Variants in DTNA observed in about 807,000 individuals in gnomAD.
The protein encoded by DTNA is dystrobrevin alpha.
DTNA carries 43 observed loss-of-function variants against 100.7 expected under a neutral mutation model. The observed-to-expected ratio is 0.43, with a 90% CI of 0.33 to 0.55. The LOEUF (loss-of-function observed/expected upper bound fraction) is 0.55. DTNA is among the 20% of genes least tolerant of loss of function. The pLI is 0.04. For synonymous variants in DTNA, 349 were observed against 347.9 expected (o/e 1.00, Z -0.04); for missense variants, 798 against 953.9 (o/e 0.84, Z 2.15).
At chr18:34,749,085 A>T (rs2092015894) in intron 1 of DTNA, among the ~76,000 whole-genome samples, 1 of 152,046 alleles carries the variant, frequency 6.6e-6, no homozygotes, top group Non-Finnish European at 1.5e-5. Context: ...CAGCTGTTGT[A>T]AGAGGGATTG....
intron 1 of DTNA, among the ~76,000 whole-genome samples, chr18:34,713,351 G>A (rs1424349334): frequency 6.6e-6 from 1 of 152,074 alleles, no homozygotes; most frequent in African/African-American, 2.4e-5. Flanking sequence ...TAGGAATAGA[G>A]GTGCTTGGTA....
At chr18:34,856,000 C>T (rs1212490197) in intron 15 of DTNA, among the ~76,000 whole-genome samples, 5 of 152,156 alleles carry the variant, frequency 3.3e-5, no homozygotes, top group African/African-American at 4.8e-5. Flanking sequence ...CCCCAACAAC[C>T]CTGGCCATGC....
intron 1 of DTNA, among the ~76,000 whole-genome samples, chr18:34,572,812 A>G (rs1037219326): frequency 3.3e-5 from 5 of 152,198 alleles, no homozygotes; most frequent in African/African-American, 1.2e-4. Flanking sequence ...AAGGAAATAC[A>G]GCTAGGTGGT....
chr18:34,653,088 GAT>G (rs754735800), intron 1 of DTNA, among the ~76,000 whole-genome samples: 3 of 152,066 alleles, frequency 2.0e-5, no homozygotes, highest in Non-Finnish European at 4.4e-5. Flanking sequence ...ATAAAAACCT[GAT>G]GGGTGAATAG....
At chr18:34,523,538 A>G (rs763744521) in intron 1 of DTNA, among the ~76,000 whole-genome samples, 4 of 152,206 alleles carry the variant, frequency 2.6e-5, no homozygotes, top group Non-Finnish European at 5.9e-5. Flanking sequence ...AACCTCTCAC[A>G]AACCCTACAT....
chr18:34,866,128 G>A (rs1360401619), intron 17 of DTNA: 1 of 1,614,038 alleles, frequency 6.2e-7, no homozygotes, highest in African/African-American at 1.3e-5. Flanking sequence ...AACTGAAGCA[G>A]GGAGTAAGTT....
At position 34,827,575 on chromosome 18, in the gene DTNA, C is replaced by T; in HGVS notation, c.1002-18C>T. 6.2e-7 allele frequency: 1 copy of T among 1,612,302 alleles called. No individual in the cohort carries two copies. Among genetic ancestry groups the T allele is most frequent in the Non-Finnish European group, 8.5e-7 (1 of 1,178,310 alleles). On this transcript the variant is annotated intron_variant, in intron 9 of 22. Coordinates refer to ENST00000444659, the MANE Select transcript of DTNA (RefSeq NM_001386795.1). ...TTTATTTGTTTTAACTTTCCATTCA[C>T]CCTGTGTTTTGTTTTAGGCCTCCCA...
intron 2 of DTNA, among the ~76,000 whole-genome samples, chr18:34,763,345 C>A (rs2093299562): frequency 6.6e-6 from 1 of 152,064 alleles, no homozygotes; most frequent in Admixed American, 6.6e-5. Context: ...GGGCATGAAA[C>A]TAGGAAAGAT....
intron 11 of DTNA, among the ~76,000 whole-genome samples, chr18:34,835,789 C>T (rs145135847): frequency 5.3e-4 from 81 of 152,322 alleles, no homozygotes; most frequent in African/African-American, 1.8e-3. Flanking sequence ...TTGTGGTTGA[C>T]GTTCCTGTGT....
rs150365100 is a variant in DTNA, at chr18:34,673,330, G to T, written c.-1-82646G>T. 2.0e-3 allele frequency among the ~76,000 whole-genome samples: 297 copies of T among 151,890 alleles called. 2 individuals carry two copies. Among genetic ancestry groups the T allele is most frequent in the African/African-American group, 6.9e-3 (286 of 41,408 alleles). ...GATACTTACGTAAACTTAATCACTG[G>T]GGTTTTGTCATGTTGCCCAGGCTGG... On this transcript the variant is annotated intron_variant, in intron 1 of 19. Coordinates refer to the DTNA transcript ENST00000283365.
rs140204466 is a variant in DTNA at position 34,645,074 on chromosome 18, T to C, written c.-1-110902T>C. 5.1e-3 allele frequency among the ~76,000 whole-genome samples: 779 copies of C among 152,238 alleles called. 8 individuals carry two copies. The highest frequency in any genetic ancestry group is 0.018 in the African/African-American group (741 of 41,574). On this transcript the variant is annotated intron_variant, in intron 1 of 19. Transcript: ENST00000283365. ...TTTAACACTGGAAGAAAACTCAATGTTTTCCTAAGTTTCTCAAGGTCATTT... is the reference window on the plus strand; with the variant it reads ...TTTAACACTGGAAGAAAACTCAATGCTTTCCTAAGTTTCTCAAGGTCATTT...
At chr18:34,672,615 A>G (rs1340893923) in intron 1 of DTNA, among the ~76,000 whole-genome samples, 1 of 152,240 alleles carries the variant, frequency 6.6e-6, no homozygotes, top group Non-Finnish European at 1.5e-5. Flanking sequence ...GATGTCTCAT[A>G]TCTTCATATG....
intron 2 of DTNA, among the ~76,000 whole-genome samples, chr18:34,765,624 C>G (rs1365734722): frequency 1.3e-5 from 2 of 152,174 alleles, no homozygotes; most frequent in Non-Finnish European, 2.9e-5. Context: ...ATGATAGTAT[C>G]TATATCATCT....
Position 34,889,926 on chromosome 18 carries a change from C to G in DTNA, c.*2192C>G. ...CCATCCTCTGTGAACCCATACCTCTCTAGATGGAGCAGGTGGCCACTGGTG... is the reference window on the plus strand; with the variant it reads ...CCATCCTCTGTGAACCCATACCTCTGTAGATGGAGCAGGTGGCCACTGGTG... On this transcript the variant is annotated 3_prime_UTR_variant, in exon 23 of 23. Transcript: ENST00000444659. 1 of 1,041,982 alleles carries G rather than the reference C, an allele frequency of 9.6e-7. No individual in the cohort carries two copies. The highest frequency in any genetic ancestry group is 1.2e-6 in the Non-Finnish European group (1 of 864,832). The allele number at this position is 1,041,982 out of a possible 1,614,324, so 64.5% of individuals were successfully genotyped here.
At chr18:34,882,283 T>G in intron 21 of DTNA, 82 bp downstream of exon 21, 1 of 1,561,532 alleles carries the variant, frequency 6.4e-7, no homozygotes, top group Non-Finnish European at 8.7e-7. Context: ...ACTTGCAGAA[T>G]CAGAGCCTTC....
intron 17 of DTNA, among the ~76,000 whole-genome samples, chr18:34,872,823 A>G (rs1415351906): frequency 1.3e-5 from 2 of 152,126 alleles, no homozygotes; most frequent in African/African-American, 2.4e-5. Flanking sequence ...GAACCTTTCT[A>G]TAGTAGTGAA....
chr18:34,804,679 G>A (rs2095314934), intron 4 of DTNA, among the ~76,000 whole-genome samples: 3 of 152,194 alleles, frequency 2.0e-5, no homozygotes, highest in South Asian at 4.1e-4. Context: ...GTGAGTCTGA[G>A]TATTATGGAA....
At chr18:34,755,064 G>T (rs541736850) in intron 1 of DTNA, among the ~76,000 whole-genome samples, 1 of 152,344 alleles carries the variant, frequency 6.6e-6, no homozygotes, top group African/African-American at 2.4e-5. Flanking sequence ...CAAGGCAGAA[G>T]TCAGTGTGGT....
intron 1 of DTNA, among the ~76,000 whole-genome samples, chr18:34,682,283 G>A (rs1389619267): frequency 2.0e-5 from 3 of 152,120 alleles, no homozygotes; most frequent in African/African-American, 7.2e-5. Context: ...TTTTTGTGTG[G>A]ACACAAATTT....
Sources: gnomAD v4.1 joint callset for allele counts (sites outside exome capture counted in the v4.1 genomes callset) on GRCh38, gnomAD v4.1.1 for gene constraint, MANE v1.5 for transcripts, NCBI Gene and HGNC (gene_info 2026-07-23, HGNC 2026-07-21) for gene names.